RPH3AL: variants seen among roughly 807,000 people sequenced by gnomAD.
RPH3AL encodes the protein rab effector Noc2.
A neutral mutation model predicts 43.1 loss-of-function variants in RPH3AL; 38 were observed. The ratio of observed to expected loss-of-function variants is 0.88; its 90% CI spans 0.68 to 1.15. The LOEUF (loss-of-function observed/expected upper bound fraction) is 1.15, where lower values mean the gene tolerates loss of function less well. Ranked by LOEUF, RPH3AL falls within the 50% of genes most tolerant of loss-of-function variation. The pLI is 0.00. For synonymous variants in RPH3AL, 189 were observed against 176.3 expected (o/e 1.07, Z -0.57); for missense variants, 462 against 423.2 (o/e 1.09, Z -0.81).
intron 6 of RPH3AL, among the ~76,000 whole-genome samples, chr17:262,287 C>T (rs535076036): frequency 3.7e-4 from 56 of 152,184 alleles, no homozygotes; most frequent in South Asian, 8.3e-4. Flanking sequence ...GGCACAATCT[C>T]GGCTCACTGC....
chr17:272,973 C>A (rs2042525395), intron 6 of RPH3AL, among the ~76,000 whole-genome samples: 1 of 103,602 alleles, frequency 9.7e-6, no homozygotes, highest in African/African-American at 2.9e-5. Flanking sequence ...AGGGTGAGAC[C>A]CCAGCAAGGG....
intron 6 of RPH3AL, among the ~76,000 whole-genome samples, chr17:262,801 G>C (rs1264785917): frequency 6.6e-6 from 1 of 152,126 alleles, no homozygotes; most frequent in Non-Finnish European, 1.5e-5. Flanking sequence ...GAGAGTCAGG[G>C]AGCACACAAC....
At chr17:232,752 C>T (rs1289379179) in intron 7 of RPH3AL, among the ~76,000 whole-genome samples, 1 of 152,102 alleles carries the variant, frequency 6.6e-6, no homozygotes, top group Non-Finnish European at 1.5e-5. Context: ...CAAGGTGCCA[C>T]ACAGGGCCTG....
At chr17:242,933 A>C (rs1286120054) in intron 7 of RPH3AL, among the ~76,000 whole-genome samples, 36 of 121,474 alleles carry the variant, frequency 3.0e-4, no homozygotes, top group Non-Finnish European at 4.8e-4. Context: ...TCCTCTATTG[A>C]CTACCTTCCT....
intron 8 of RPH3AL, among the ~76,000 whole-genome samples, chr17:217,749 T>A (rs866918614): frequency 0.011 from 500 of 44,324 alleles, no homozygotes; most frequent in African/African-American, 0.04. Context: ...GGGCAGTTAT[T>A]ATGGAGCCCT....
In RPH3AL at chr17:246,476, C is replaced by T. The variant is rs1210768945; in HGVS notation, c.613+635G>A. Among the ~76,000 whole-genome samples, 1 of 152,158 alleles carries T rather than the reference C, an allele frequency of 6.6e-6. No individual in the cohort carries two copies. The highest frequency in any genetic ancestry group is 2.4e-5 in the African/African-American group (1 of 41,436). ...GGTACACCCATCTATAAAATGCAGTCATTAAATAACTTCCGAGCCTGTTGT... is the reference window on the plus strand; with the variant it reads ...GGTACACCCATCTATAAAATGCAGTTATTAAATAACTTCCGAGCCTGTTGT... On this transcript the variant is annotated intron_variant, in intron 7 of 9. Coordinates refer to ENST00000331302, the MANE Select transcript of RPH3AL (RefSeq NM_006987.4). The surrounding 1 kb of genome is among the most constrained non-coding windows in gnomAD (Gnocchi z 4.8).
At chr17:234,873 C>T (rs552093821) in intron 7 of RPH3AL, among the ~76,000 whole-genome samples, 4 of 152,304 alleles carry the variant, frequency 2.6e-5, no homozygotes, top group South Asian at 4.1e-4. Context: ...AGAAGGAAGG[C>T]GGCATAGCAG....
intron 3 of RPH3AL, among the ~76,000 whole-genome samples, chr17:324,624 CT>C (rs2044566449): frequency 6.6e-6 from 1 of 152,210 alleles, no homozygotes; most frequent in African/African-American, 2.4e-5. Flanking sequence ...CCTGGGGCCC[CT>C]GTCTCTCTCC....
rs556144058 is a variant in RPH3AL, at chr17:303,189, C to A, written c.351+16231G>T. ...TGAGCAGGAGGATCGCCTGAGGAGT[C>A]TGAGGCAGCCTGGGCAACATAACAA... On this transcript the variant is annotated intron_variant, in intron 5 of 9. Coordinates refer to ENST00000331302, the MANE Select transcript of RPH3AL (RefSeq NM_006987.4). Among the ~76,000 whole-genome samples, 119 of 152,220 alleles carry A rather than the reference C, an allele frequency of 7.8e-4. 1 individual carries two copies. Among genetic ancestry groups the A allele is most frequent in the African/African-American group, 2.7e-3 (113 of 41,548 alleles).
At chr17:320,379 A>C (rs1458598870) in intron 4 of RPH3AL, among the ~76,000 whole-genome samples, 3 of 152,078 alleles carry the variant, frequency 2.0e-5, no homozygotes, top group Non-Finnish European at 4.4e-5. Context: ...CTCATGCCTG[A>C]CATCCCAGCC....
chr17:273,303 A>T lies in RPH3AL; in HGVS notation c.438+8465T>A, dbSNP rs866611796. On this transcript the variant is annotated intron_variant, in intron 6 of 9. Transcript: ENST00000331302. The stretch of plus-strand genomic sequence containing the variant: ...GACCCCAGCGAGGGTGACGTCAGGG[A>T]GAGACCCCAGCGAGGGTGATGTCAG... Among the ~76,000 whole-genome samples, 182 of 60,884 alleles carry T rather than the reference A, an allele frequency of 3.0e-3. 2 individuals are homozygous for T. Among genetic ancestry groups the T allele is most frequent in the Non-Finnish European group, 3.9e-3 (110 of 27,884 alleles). The allele number at this position is 60,884 out of a possible 152,430, so 39.9% of individuals were successfully genotyped here.
intron 6 of RPH3AL, among the ~76,000 whole-genome samples, chr17:265,953 C>T (rs1191680840): frequency 6.6e-6 from 1 of 152,178 alleles, no homozygotes; most frequent in African/African-American, 2.4e-5. Context: ...GGATGTTCAG[C>T]GTGAGGGGGC....
In RPH3AL at chr17:323,174, G is replaced by A. The variant is rs941130325; in HGVS notation, c.78-1759C>T. On this transcript the variant is annotated intron_variant, in intron 3 of 9. Transcript: ENST00000331302. The surrounding 1 kb of genome is among the most constrained non-coding windows in gnomAD (Gnocchi z 4.4). The stretch of plus-strand genomic sequence containing the variant: ...GGAAGGAGGGAGGCGGGTTCAGGCA[G>A]AGGAGATCACACACGAAAGGCAGGG... Among the ~76,000 whole-genome samples, 1 of 152,060 alleles carries A rather than the reference G, an allele frequency of 6.6e-6. No homozygotes were observed. Among genetic ancestry groups the A allele is most frequent in the African/African-American group, 2.4e-5 (1 of 41,374 alleles).
chr17:352,742 C>G lies in RPH3AL; in HGVS notation c.-243G>C, dbSNP rs1239511499. ...ACAGAGGGGCTTCACCCAGACAGGC[C>G]CCACCAGGGAGGAGGAGGCCGCTCT... On this transcript the variant is annotated 5_prime_UTR_variant, in exon 1 of 10. Coordinates refer to ENST00000331302, the MANE Select transcript of RPH3AL (RefSeq NM_006987.4). 1 of 152,236 alleles carries G rather than the reference C, an allele frequency of 6.6e-6. No homozygotes were observed. The highest frequency in any genetic ancestry group is 1.5e-5 in the Non-Finnish European group (1 of 68,060). The allele number at this position is 152,236 out of a possible 1,614,324, so 9.4% of individuals were successfully genotyped here.
In RPH3AL at chr17:283,608, G is replaced by A. The variant is rs541824809; in HGVS notation, c.352-1754C>T. Among the ~76,000 whole-genome samples, 8 of 152,130 alleles carry A rather than the reference G, an allele frequency of 5.3e-5. No homozygotes were observed. In the South Asian group the frequency reaches 6.2e-4, roughly 12 times the overall value. On this transcript the variant is annotated intron_variant, in intron 5 of 9. Coordinates refer to ENST00000331302, the MANE Select transcript of RPH3AL (RefSeq NM_006987.4). The surrounding 1 kb of genome is among the most constrained non-coding windows in gnomAD (Gnocchi z 4.2). ...CAGATCTGCAGAGGGTCCCCTGAGC[G>A]CCGTCCACACTCCTCACTGCTGGCC...
chr17:281,496 C>T (rs1008314369), intron 6 of RPH3AL, among the ~76,000 whole-genome samples: 1 of 152,062 alleles, frequency 6.6e-6, no homozygotes, highest in African/African-American at 2.4e-5. Flanking sequence ...GGGCTTCCCA[C>T]CGAAACCTCG....
At chr17:228,431 G>A (rs2041153814) in intron 7 of RPH3AL, among the ~76,000 whole-genome samples, 2 of 152,124 alleles carry the variant, frequency 1.3e-5, no homozygotes, top group Admixed American at 1.3e-4. Context: ...GGGTCAAAAG[G>A]AGTAACGCGT....
At chr17:343,421 G>A (rs967184551) in intron 1 of RPH3AL, among the ~76,000 whole-genome samples, 3 of 152,222 alleles carry the variant, frequency 2.0e-5, no homozygotes, top group Non-Finnish European at 2.9e-5. Context: ...CGCACTCCAG[G>A]TAGCCCTGCC....
chr17:242,901 A>C (rs1480929700), intron 7 of RPH3AL, among the ~76,000 whole-genome samples: 2 of 112,766 alleles, frequency 1.8e-5, no homozygotes, highest in African/African-American at 3.4e-5. Flanking sequence ...TCTATTGACT[A>C]CCTTCCTCTA....
Sources: gnomAD v4.1 joint callset for allele counts (sites outside exome capture counted in the v4.1 genomes callset) on GRCh38, gnomAD v4.1.1 for gene constraint, Gnocchi (gnomAD v3.1) non-coding constraint, MANE v1.5 for transcripts, NCBI Gene and HGNC (gene_info 2026-07-23, HGNC 2026-07-21) for gene names.